The following LINGO1 variants were observed in gnomAD, a reference collection of about 807,000 sequenced individuals.
LINGO1 encodes the protein leucine rich repeat and Ig domain containing 1.
LINGO1 carries 11 observed loss-of-function variants against 37.3 expected under a neutral mutation model. That is an observed-to-expected ratio of 0.29 (90% confidence interval 0.19 to 0.49). LINGO1 has a LOEUF of 0.49. Among genes scored for constraint, LINGO1 ranks in the 20% least tolerant of loss-of-function variants. The pLI is 0.99. For missense variants in LINGO1, 585 were observed against 878.2 expected (o/e 0.67, Z 4.22); for synonymous variants, 387 against 403.0 (o/e 0.96, Z 0.48).
chr15:77,636,386 C>T (rs1159105148), upstream of LINGO1, among the ~76,000 whole-genome samples: 5 of 152,196 alleles, frequency 3.3e-5, no homozygotes, highest in East Asian at 1.9e-4. Context: ...AAATTAATGA[C>T]GGCTCTAAAA....
intron 1 of LINGO1, 94 bp from the exon 2 acceptor site, chr15:77,615,994 G>A (rs992960629): frequency 2.6e-5 from 23 of 883,496 alleles, no homozygotes; most frequent in Non-Finnish European, 3.5e-5. Context: ...CTCCTGCCCT[G>A]TCACGATGAC....
chr15:77,705,204 C>CACACACACA (rs1332650126), intron 2 of LINGO1, among the ~76,000 whole-genome samples: 1 of 150,312 alleles, frequency 6.7e-6, no homozygotes, highest in African/African-American at 2.5e-5. Context: ...CACACACACA[C>CACACACACA]ACCAGTCCAC....
intron 3 of LINGO1, among the ~76,000 whole-genome samples, chr15:77,645,491 A>C (rs923999055): frequency 6.6e-6 from 1 of 152,252 alleles, no homozygotes; most frequent in South Asian, 2.1e-4. Context: ...CTGAAGGTAG[A>C]GCGAGGTGGA....
chr15:77,681,432 A>C (rs1157807449), intron 2 of LINGO1, among the ~76,000 whole-genome samples: 1 of 152,110 alleles, frequency 6.6e-6, no homozygotes, highest in South Asian at 2.1e-4. Flanking sequence ...TCTCAGCTCC[A>C]AAGTCCAACT....
At chr15:77,815,706 G>C (rs946564004) in intron 1 of LINGO1, among the ~76,000 whole-genome samples, 17 of 152,152 alleles carry the variant, frequency 1.1e-4, no homozygotes, top group Middle Eastern at 3.4e-3. Context: ...GAACTCTGAC[G>C]ACCTAGATCA....
At chr15:77,767,343 C>T (rs556977810) in intron 1 of LINGO1, among the ~76,000 whole-genome samples, 1 of 152,296 alleles carries the variant, frequency 6.6e-6, no homozygotes, top group Non-Finnish European at 1.5e-5. Flanking sequence ...ATTCGGAATT[C>T]TACACCCAGT....
chr15:77,722,892 G>C (rs766365764), intron 2 of LINGO1, among the ~76,000 whole-genome samples: 1 of 152,156 alleles, frequency 6.6e-6, no homozygotes, highest in Non-Finnish European at 1.5e-5. Flanking sequence ...GCAGTAACCC[G>C]GGGAGGGCAG....
At chr15:77,737,152 T>C (rs1345068275) in intron 1 of LINGO1, among the ~76,000 whole-genome samples, 1 of 152,194 alleles carries the variant, frequency 6.6e-6, no homozygotes, top group African/African-American at 2.4e-5. Flanking sequence ...ATCCACGTTT[T>C]ACATGTAGAT....
At chr15:77,649,543 C>T (rs982405708) in intron 3 of LINGO1, among the ~76,000 whole-genome samples, 1 of 151,904 alleles carries the variant, frequency 6.6e-6, no homozygotes, top group African/African-American at 2.4e-5. Context: ...GGGTACCACA[C>T]GGAAAGAAGA....
At chr15:77,753,149 C>T (rs940938050) in intron 1 of LINGO1, among the ~76,000 whole-genome samples, 2 of 152,268 alleles carry the variant, frequency 1.3e-5, no homozygotes, top group African/African-American at 4.8e-5. Context: ...GACCTGACTG[C>T]CTCCAACTAA....
intron 2 of LINGO1, among the ~76,000 whole-genome samples, chr15:77,708,478 C>A (rs770835330): frequency 6.6e-6 from 1 of 152,158 alleles, no homozygotes; most frequent in Non-Finnish European, 1.5e-5. Context: ...TAGTGTCCCC[C>A]CAAATTCATG....
chr15:77,742,795 A>G (rs1262466066), intron 1 of LINGO1, among the ~76,000 whole-genome samples: 1 of 152,164 alleles, frequency 6.6e-6, no homozygotes, highest in African/African-American at 2.4e-5. Context: ...TTTGGCAGAG[A>G]CTGTAGAAGA....
At chr15:77,772,502 C>T (rs1009625731) in intron 1 of LINGO1, among the ~76,000 whole-genome samples, 7 of 152,264 alleles carry the variant, frequency 4.6e-5, no homozygotes, top group African/African-American at 1.2e-4. Flanking sequence ...CCTGAGCAGT[C>T]GGCCTCCCCA....
intron 1 of LINGO1, among the ~76,000 whole-genome samples, chr15:77,802,558 C>G (rs2141465366): frequency 6.6e-6 from 1 of 152,206 alleles, no homozygotes; most frequent in East Asian, 1.9e-4. Flanking sequence ...TCAACAAATT[C>G]AGAGAAAACT....
intron 3 of LINGO1, among the ~76,000 whole-genome samples, chr15:77,669,043 C>T (rs2075198652): frequency 6.6e-6 from 1 of 152,250 alleles, no homozygotes; most frequent in African/African-American, 2.4e-5. Flanking sequence ...CAGAAAATCC[C>T]TTCTTCGCCG....
intron 2 of LINGO1, among the ~76,000 whole-genome samples, chr15:77,689,840 C>A (rs1296088057): frequency 1.3e-5 from 2 of 152,098 alleles, no homozygotes; most frequent in African/African-American, 4.8e-5. Context: ...AACAAAAAAA[C>A]CAAACCAGCG....
chr15:77,758,115 G>A (rs1478758461), intron 1 of LINGO1, among the ~76,000 whole-genome samples: 1 of 152,172 alleles, frequency 6.6e-6, no homozygotes, highest in Non-Finnish European at 1.5e-5. Context: ...TTTTAATGGT[G>A]GGAAGGTGAA....
At chr15:77,666,830 T>C (rs1567505669) in intron 3 of LINGO1, 1 of 152,258 alleles carries the variant, frequency 6.6e-6, no homozygotes, top group Non-Finnish European at 1.5e-5. Flanking sequence ...GTTGGATCAT[T>C]AGTTCAGAGC....
At chr15:77,738,747 TGAAGGAAGGAAGGAAGGAAGGAAGGAAG>T (rs1166793124) in intron 1 of LINGO1, among the ~76,000 whole-genome samples, 14 of 110,894 alleles carry the variant, frequency 1.3e-4, no homozygotes, top group South Asian at 9.7e-4. Flanking sequence ...ACATATTTGC[TGAAGGAAGGAAGGAAGGAAGGAAGGAAG>T]GAAGGAAGGA....
Sources: allele counts gnomAD v4.1 joint callset (sites outside exome capture counted in the v4.1 genomes callset), GRCh38; gene constraint gnomAD v4.1.1; transcripts MANE v1.5; gene names NCBI Gene and HGNC (gene_info 2026-07-23, HGNC 2026-07-21).